The following CSMD1 variants were observed in gnomAD, a reference collection of about 807,000 sequenced individuals.
The protein encoded by CSMD1 is CUB and sushi domain-containing protein 1.
A neutral mutation model predicts 417.5 loss-of-function variants in CSMD1; 213 were observed. The observed-to-expected ratio is 0.51, with a 90% CI of 0.46 to 0.57. The LOEUF (loss-of-function observed/expected upper bound fraction) is 0.57, where lower values mean the gene tolerates loss of function less well. Among genes scored for constraint, CSMD1 ranks in the 20% least tolerant of loss-of-function variants. CSMD1 has a pLI of 0.00. For synonymous variants in CSMD1, 2,862 were observed against 1,736.8 expected, an observed-to-expected ratio of 1.65 and a Z score of -16.11; for missense variants, 6,923 against 4,529.7, an observed-to-expected ratio of 1.53 and a Z score of -15.17.
intron 5 of CSMD1, among the ~76,000 whole-genome samples, chr8:3,818,670 A>G (rs910572578): frequency 6.6e-6 from 1 of 152,202 alleles, no homozygotes; most frequent in East Asian, 1.9e-4. Flanking sequence ...GACAGCAATG[A>G]TGACCTTCTG....
At chr8:4,580,898 T>C (rs1351268737) in intron 2 of CSMD1, among the ~76,000 whole-genome samples, 1 of 152,230 alleles carries the variant, frequency 6.6e-6, no homozygotes, top group Admixed American at 6.5e-5. Context: ...TCCCTGCTAT[T>C]GTGTTTGACA....
intron 1 of CSMD1, among the ~76,000 whole-genome samples, chr8:4,924,461 G>T (rs1370342552): frequency 2.0e-5 from 3 of 152,012 alleles, no homozygotes; most frequent in Admixed American, 1.3e-4. Context: ...GGTGGCTCAC[G>T]CCTGTAATCT....
chr8:3,819,824 C>T lies in CSMD1; in HGVS notation c.819-65782G>A, dbSNP rs948961562. Among the ~76,000 whole-genome samples, 10 of 152,020 alleles carry T rather than the reference C, an allele frequency of 6.6e-5. No individual in the cohort carries two copies. In the South Asian group the frequency reaches 1.0e-3, roughly 16 times the overall value. On this transcript the variant is annotated intron_variant, in intron 5 of 69. Coordinates refer to ENST00000635120, the MANE Select transcript of CSMD1 (RefSeq NM_033225.6). ...CCTCCCAAAGTACTGAGATTACAGG[C>T]GTGACCCATCGCACCTGGCCTGAAA...
chr8:3,326,994 G>A (rs1266862195), intron 23 of CSMD1, among the ~76,000 whole-genome samples: 2 of 151,228 alleles, frequency 1.3e-5, no homozygotes, highest in Non-Finnish European at 2.9e-5. Context: ...CTGGGCAATA[G>A]AGCAAGACCC....
intron 1 of CSMD1, among the ~76,000 whole-genome samples, chr8:4,879,853 T>C (rs1029659921): frequency 4.6e-5 from 7 of 152,110 alleles, no homozygotes; most frequent in African/African-American, 1.5e-4. Flanking sequence ...CAATTTTTAT[T>C]TGGCAAATAA....
intron 11 of CSMD1, among the ~76,000 whole-genome samples, chr8:3,479,873 G>C (rs181643872): frequency 5.3e-5 from 8 of 152,032 alleles, no homozygotes; most frequent in Admixed American, 2.0e-4. Context: ...GAAAAAAAAC[G>C]ATAAATCTAA....
At chr8:4,963,431 C>G (rs1809650555) in intron 1 of CSMD1, among the ~76,000 whole-genome samples, 1 of 152,084 alleles carries the variant, frequency 6.6e-6, no homozygotes, top group Non-Finnish European at 1.5e-5. Context: ...AACTCCTGAC[C>G]TCAAGCAATC....
intron 3 of CSMD1, among the ~76,000 whole-genome samples, chr8:4,059,126 G>C (rs1452638563): frequency 1.3e-5 from 2 of 152,262 alleles, no homozygotes; most frequent in Non-Finnish European, 1.5e-5. Context: ...CTAGAACTCA[G>C]GATTAAGAAA....
intron 2 of CSMD1, among the ~76,000 whole-genome samples, chr8:4,482,456 T>C (rs934229074): frequency 2.6e-5 from 4 of 152,218 alleles, no homozygotes; most frequent in African/African-American, 9.6e-5. Context: ...TAGTACTCCA[T>C]GGTGTGTATG....
chr8:4,206,717 G>T (rs528753767), intron 3 of CSMD1, among the ~76,000 whole-genome samples: 148 of 152,210 alleles, frequency 9.7e-4, no homozygotes, highest in African/African-American at 3.5e-3. Flanking sequence ...GGATGGCTGG[G>T]TCAAATAGTA....
intron 1 of CSMD1, among the ~76,000 whole-genome samples, chr8:4,924,352 G>C (rs4633074): frequency 6.6e-6 from 1 of 151,518 alleles, no homozygotes; most frequent in African/African-American, 2.4e-5. Context: ...GAATTTGAAC[G>C]TTTTCTGTTC....
chr8:4,564,081 A>G (rs1485889755), intron 2 of CSMD1, among the ~76,000 whole-genome samples: 1 of 152,198 alleles, frequency 6.6e-6, no homozygotes, highest in African/African-American at 2.4e-5. Flanking sequence ...TGTCATAAGC[A>G]TATTTAAATA....
At chr8:4,522,744 G>A (rs1803533764) in intron 2 of CSMD1, among the ~76,000 whole-genome samples, 1 of 152,110 alleles carries the variant, frequency 6.6e-6, no homozygotes, top group South Asian at 2.1e-4. Context: ...ACGTGCCTGG[G>A]AGTTGGACTC....
intron 2 of CSMD1, among the ~76,000 whole-genome samples, chr8:4,421,901 A>G (rs770403627): frequency 2.0e-5 from 3 of 152,080 alleles, no homozygotes; most frequent in Non-Finnish European, 4.4e-5. Flanking sequence ...ATAAAATTGA[A>G]AAAGACTGAC....
chr8:4,343,124 A>G (rs1304590516), intron 3 of CSMD1, among the ~76,000 whole-genome samples: 2 of 152,108 alleles, frequency 1.3e-5, no homozygotes, highest in African/African-American at 2.4e-5. Flanking sequence ...AACTCTCCAA[A>G]ACATAAAAAC....
At chr8:3,820,586 T>C (rs1054064205) in intron 5 of CSMD1, among the ~76,000 whole-genome samples, 6 of 152,156 alleles carry the variant, frequency 3.9e-5, no homozygotes, top group African/African-American at 1.4e-4. Context: ...TTGTTGTTTG[T>C]TTGTTTTGAG....
At chr8:3,863,409 A>G (rs1416807002) in intron 5 of CSMD1, among the ~76,000 whole-genome samples, 2 of 151,886 alleles carry the variant, frequency 1.3e-5, no homozygotes, top group Non-Finnish European at 2.9e-5. Flanking sequence ...AAAAAAAAAA[A>G]AAAAAGTGCT....
At chr8:4,623,148 G>T (rs973693939) in intron 2 of CSMD1, among the ~76,000 whole-genome samples, 2 of 151,918 alleles carry the variant, frequency 1.3e-5, no homozygotes, top group Admixed American at 6.6e-5. Flanking sequence ...TAACTCAAAG[G>T]GAAGACAAAA....
chr8:3,429,734 G>A (rs546461788), intron 12 of CSMD1, among the ~76,000 whole-genome samples: 9 of 152,228 alleles, frequency 5.9e-5, no homozygotes, highest in South Asian at 4.1e-4. Flanking sequence ...GTTTTTCAGC[G>A]TAAAATTTTC....
Sources: gnomAD v4.1 joint callset for allele counts (sites outside exome capture counted in the v4.1 genomes callset) on GRCh38, gnomAD v4.1.1 for gene constraint, MANE v1.5 for transcripts, NCBI Gene and HGNC (gene_info 2026-07-23, HGNC 2026-07-21) for gene names.